Variants in ZBTB20 observed in about 807,000 individuals in gnomAD.
ZBTB20 encodes the protein zinc finger and BTB domain-containing protein 20.
ZBTB20 carries 9 observed loss-of-function variants against 56.9 expected under a neutral mutation model. The observed-to-expected ratio is 0.16, with a 90% CI of 0.10 to 0.28. The LOEUF (loss-of-function observed/expected upper bound fraction) is 0.28, where lower values mean the gene tolerates loss of function less well. Ranked by LOEUF, ZBTB20 falls within the 10% of genes least tolerant of loss-of-function variation. The pLI, the probability that ZBTB20 is intolerant of heterozygous loss-of-function variation, is 1.00. For synonymous variants in ZBTB20, 417 were observed against 420.7 expected, an observed-to-expected ratio of 0.99 and a Z score of 0.11; for missense variants, 655 against 1,003.0, an observed-to-expected ratio of 0.65 and a Z score of 4.69.
intron 2 of ZBTB20, among the ~76,000 whole-genome samples, chr3:115,056,981 T>TATATGTGCTTGTATAA (rs2081819227): frequency 2.0e-5 from 3 of 151,348 alleles, no homozygotes; most frequent in Admixed American, 6.6e-5. Context: ...AGCACATATC[T>TATATGTGCTTGTATAA]ATTCCAGAAT....
In ZBTB20 at chr3:114,961,625, T is replaced by C. The variant is rs376596208; in HGVS notation, c.-456+12741A>G. ...TTTCTGTTTTTAAAAATCCAGAGTA[T>C]CTGTAGTAGTGCAACTAATGACAAC... On this transcript the variant is annotated intron_variant, in intron 3 of 11. Transcript: ENST00000675478. 9.2e-5 allele frequency among the ~76,000 whole-genome samples: 14 copies of C among 152,234 alleles called. 1 individual carries two copies. Among genetic ancestry groups the C allele is most frequent in the African/African-American group, 3.4e-4 (14 of 41,556 alleles).
chr3:115,048,647 G>A (rs1008864743), intron 2 of ZBTB20, among the ~76,000 whole-genome samples: 2 of 151,982 alleles, frequency 1.3e-5, no homozygotes, highest in African/African-American at 2.4e-5. Flanking sequence ...ATTCACAATC[G>A]CTACTCTCAC....
chr3:115,138,381 A>C (rs1257813032), intron 1 of ZBTB20, among the ~76,000 whole-genome samples: 1 of 152,076 alleles, frequency 6.6e-6, no homozygotes, highest in Non-Finnish European at 1.5e-5. Context: ...TAGACTGAAG[A>C]GTTATATTTT....
At chr3:114,435,299 C>T (rs1265075911) in intron 7 of ZBTB20, among the ~76,000 whole-genome samples, 1 of 152,084 alleles carries the variant, frequency 6.6e-6, no homozygotes, top group African/African-American at 2.4e-5. Context: ...CACTTCTGAA[C>T]ACCTGGTACA....
chr3:114,624,544 A>AC (rs2058540448), intron 6 of ZBTB20, among the ~76,000 whole-genome samples: 3 of 152,190 alleles, frequency 2.0e-5, no homozygotes, highest in African/African-American at 7.2e-5. Flanking sequence ...ATCCCCTTGA[A>AC]TTCTGTTGGG....
intron 7 of ZBTB20, among the ~76,000 whole-genome samples, chr3:114,492,736 G>GT (rs1412870750): frequency 4.6e-5 from 7 of 152,102 alleles, no homozygotes; most frequent in African/African-American, 1.7e-4. Flanking sequence ...ACGTGCAGTT[G>GT]TAAGAGATAA....
chr3:114,926,589 A>G (rs1416283660), intron 3 of ZBTB20, among the ~76,000 whole-genome samples: 1 of 152,214 alleles, frequency 6.6e-6, no homozygotes, highest in East Asian at 1.9e-4. Context: ...AAAACTAGAA[A>G]AATGTCTCCT....
chr3:114,474,409 C>G (rs538453897), intron 7 of ZBTB20, among the ~76,000 whole-genome samples: 5 of 152,298 alleles, frequency 3.3e-5, no homozygotes, highest in African/African-American at 9.6e-5. Flanking sequence ...TAAGAACAAA[C>G]AAAGTGAAAA....
intron 6 of ZBTB20, among the ~76,000 whole-genome samples, chr3:114,555,283 C>T (rs939806993): frequency 1.3e-5 from 2 of 152,022 alleles, no homozygotes; most frequent in African/African-American, 2.4e-5. Context: ...TGATTCTTTT[C>T]GTCACTTTTT....
intron 7 of ZBTB20, among the ~76,000 whole-genome samples, chr3:114,478,174 C>A (rs555580414): frequency 6.6e-6 from 1 of 152,108 alleles, no homozygotes; most frequent in African/African-American, 2.4e-5. Context: ...CCATGTTGGT[C>A]AGGCTGGTCT....
rs546972700 is a variant in ZBTB20, at chr3:114,976,203, A to C, written c.-506-1787T>G. Among the ~76,000 whole-genome samples, 6 of 152,336 alleles carry C rather than the reference A, an allele frequency of 3.9e-5. No homozygotes were observed. The East Asian group carries it at 1.2e-3, about 29-fold the overall frequency. On this transcript the variant is annotated intron_variant, in intron 2 of 11. Coordinates refer to ENST00000675478, the MANE Select transcript of ZBTB20 (RefSeq NM_001348800.3). ...ATAATTAGTACTATGAAGTCAGATA[A>C]AACAAGATAATGACACTGAGAGTTA... is the stretch of plus-strand genomic sequence containing the variant.
At chr3:114,960,469 C>T (rs571819682) in intron 3 of ZBTB20, among the ~76,000 whole-genome samples, 1 of 152,284 alleles carries the variant, frequency 6.6e-6, no homozygotes, top group South Asian at 2.1e-4. Context: ...AACTGAGCTA[C>T]AGAGGATTAA....
At chr3:114,871,186 T>C (rs1353878138) in intron 4 of ZBTB20, among the ~76,000 whole-genome samples, 1 of 152,134 alleles carries the variant, frequency 6.6e-6, no homozygotes, top group Non-Finnish European at 1.5e-5. Flanking sequence ...ACCCTCTTAT[T>C]ATCTCCCCTG....
At chr3:115,051,797 G>A (rs1395273208) in intron 2 of ZBTB20, among the ~76,000 whole-genome samples, 1 of 152,172 alleles carries the variant, frequency 6.6e-6, no homozygotes, top group African/African-American at 2.4e-5. Context: ...ATGAAGAAAA[G>A]AGGATTAATT....
chr3:115,081,951 G>A (rs2082811761), intron 1 of ZBTB20, among the ~76,000 whole-genome samples: 2 of 152,114 alleles, frequency 1.3e-5, no homozygotes, highest in South Asian at 2.1e-4. Flanking sequence ...TCTCTGGAAC[G>A]TATAGATAGC....
At chr3:114,472,516 C>T (rs536239787) in intron 7 of ZBTB20, among the ~76,000 whole-genome samples, 7 of 152,262 alleles carry the variant, frequency 4.6e-5, no homozygotes, top group African/African-American at 1.7e-4. Flanking sequence ...TCAAGATCAG[C>T]CTGACCAACT....
At chr3:114,998,982 G>C (rs561853686) in intron 2 of ZBTB20, among the ~76,000 whole-genome samples, 3 of 139,780 alleles carry the variant, frequency 2.1e-5, no homozygotes, top group East Asian at 4.8e-4. Context: ...AGAAAAGAAT[G>C]AGGATAGTGG....
intron 1 of ZBTB20, among the ~76,000 whole-genome samples, chr3:115,074,913 T>G (rs1256998721): frequency 6.6e-6 from 1 of 152,138 alleles, no homozygotes; most frequent in African/African-American, 2.4e-5. Flanking sequence ...ATAGAAATCA[T>G]ACTTCAAAAT....
intron 5 of ZBTB20, among the ~76,000 whole-genome samples, chr3:114,697,123 A>C (rs1476590901): frequency 6.6e-6 from 1 of 150,638 alleles, no homozygotes; most frequent in African/African-American, 2.4e-5. Flanking sequence ...TTAGAGCTTT[A>C]TATAGCTCCC....
Sources: gnomAD v4.1 joint callset for allele counts (sites outside exome capture counted in the v4.1 genomes callset) on GRCh38, gnomAD v4.1.1 for gene constraint, MANE v1.5 for transcripts, NCBI Gene and HGNC (gene_info 2026-07-23, HGNC 2026-07-21) for gene names.